Variants in SGCZ observed in about 807,000 individuals in gnomAD.
The protein encoded by SGCZ is zeta-sarcoglycan.
In SGCZ, 40 loss-of-function variants were observed where a neutral mutation model predicts 41.3. That is an observed-to-expected ratio of 0.97 (90% CI 0.75 to 1.26). SGCZ has a LOEUF of 1.26. Among genes scored for constraint, SGCZ ranks in the 50% most tolerant of loss-of-function variants. The pLI, the probability that SGCZ is intolerant of heterozygous loss-of-function variation, is 0.00. For missense variants in SGCZ, 552 were observed against 369.8 expected (o/e 1.49, Z -4.04); for synonymous variants, 206 against 137.5 (o/e 1.50, Z -3.49).
intron 2 of SGCZ, among the ~76,000 whole-genome samples, chr8:14,385,313 T>C (rs1313131656): frequency 1.3e-5 from 2 of 152,150 alleles, no homozygotes; most frequent in Non-Finnish European, 2.9e-5. Context: ...GTAAGTTAAC[T>C]AAGAAGCCCC....
intron 1 of SGCZ, among the ~76,000 whole-genome samples, chr8:15,105,493 A>G (rs1378511640): frequency 6.6e-6 from 1 of 152,118 alleles, no homozygotes; most frequent in Non-Finnish European, 1.5e-5. Flanking sequence ...ATGGTGGAGC[A>G]GGAGAGAGAG....
chr8:14,310,947 G>A (rs751805564), intron 3 of SGCZ, among the ~76,000 whole-genome samples: 15 of 152,034 alleles, frequency 9.9e-5, no homozygotes, highest in East Asian at 9.6e-4. Context: ...TGTGTACCCC[G>A]TGGAAAATCT....
chr8:14,850,346 A>C (rs556870574), intron 1 of SGCZ, among the ~76,000 whole-genome samples: 2 of 152,268 alleles, frequency 1.3e-5, no homozygotes, highest in African/African-American at 4.8e-5. Flanking sequence ...TAAAGGAGAG[A>C]AGGAGGTAAA....
intron 1 of SGCZ, among the ~76,000 whole-genome samples, chr8:14,978,941 G>A (rs1254431090): frequency 6.6e-6 from 1 of 152,102 alleles, no homozygotes; most frequent in Non-Finnish European, 1.5e-5. Flanking sequence ...TGGGACTACA[G>A]GCATGTGCCA....
chr8:14,535,923 C>G (rs1379143211), intron 2 of SGCZ, among the ~76,000 whole-genome samples: 3 of 151,702 alleles, frequency 2.0e-5, no homozygotes, highest in Admixed American at 2.0e-4. Flanking sequence ...CATGGGAACT[C>G]TATACTATTT....
intron 2 of SGCZ, among the ~76,000 whole-genome samples, chr8:14,496,828 A>G (rs910454036): frequency 9.2e-5 from 14 of 152,214 alleles, no homozygotes; most frequent in African/African-American, 3.4e-4. Context: ...CTGTGTGTGT[A>G]TAAACAAGAG....
intron 4 of SGCZ, among the ~76,000 whole-genome samples, chr8:14,180,699 G>A (rs758553118): frequency 6.6e-6 from 1 of 151,878 alleles, no homozygotes; most frequent in Non-Finnish European, 1.5e-5. Context: ...TCCCTATGAA[G>A]GTTTGTCATG....
chr8:14,770,841 C>T (rs991421393), intron 1 of SGCZ, among the ~76,000 whole-genome samples: 1 of 151,914 alleles, frequency 6.6e-6, no homozygotes, highest in Non-Finnish European at 1.5e-5. Context: ...TAAGTACATG[C>T]CTGATGTATC....
chr8:15,188,865 A>G (rs1057315930), intron 1 of SGCZ, among the ~76,000 whole-genome samples: 1 of 152,166 alleles, frequency 6.6e-6, no homozygotes, highest in Non-Finnish European at 1.5e-5. Context: ...GAGGAAGGGA[A>G]TCTGGAAAAG....
intron 3 of SGCZ, among the ~76,000 whole-genome samples, chr8:14,269,242 C>T (rs979231037): frequency 6.6e-6 from 1 of 152,062 alleles, no homozygotes; most frequent in Non-Finnish European, 1.5e-5. Flanking sequence ...ACTTTAATGG[C>T]TCAAATTTAT....
intron 1 of SGCZ, among the ~76,000 whole-genome samples, chr8:15,026,669 T>TTC (rs1407568725): frequency 2.0e-5 from 3 of 152,166 alleles, no homozygotes; most frequent in African/African-American, 7.2e-5. Context: ...GTCCAAGCCA[T>TTC]TCTCTAATAA....
Position 14,090,101 on chromosome 8 carries a change from G to T in SGCZ, c.*342C>A. On this transcript the variant is annotated 3_prime_UTR_variant, in exon 8 of 8. Coordinates refer to ENST00000382080, the MANE Select transcript of SGCZ (RefSeq NM_139167.4). ...ATACTGGGAATTTCATTTATGTAAT[G>T]TATATATGTGCAGTTCATATCCAGG... 5.8e-6 allele frequency: 1 copy of T among 173,038 alleles called. No homozygotes were observed. Among genetic ancestry groups the T allele is most frequent in the Non-Finnish European group, 1.2e-5 (1 of 81,892 alleles). 10.7% of individuals were successfully genotyped at this position (173,038 alleles called of 1,614,324 possible).
chr8:14,708,600 A>G (rs1809406574), intron 1 of SGCZ, among the ~76,000 whole-genome samples: 1 of 152,154 alleles, frequency 6.6e-6, no homozygotes, highest in Admixed American at 6.6e-5. Context: ...AAGGGCTCTC[A>G]GGAATCAAAC....
chr8:14,588,138 T>C (rs1209022904), intron 1 of SGCZ, among the ~76,000 whole-genome samples: 2 of 151,942 alleles, frequency 1.3e-5, no homozygotes, highest in Non-Finnish European at 2.9e-5. Flanking sequence ...TTTGTGTCTA[T>C]GTTATTAGAC....
chr8:14,533,870 G>T (rs186739375), intron 2 of SGCZ, among the ~76,000 whole-genome samples: 1,699 of 152,122 alleles, frequency 0.011, 16 homozygotes, highest in Middle Eastern at 0.024. Flanking sequence ...CAGTTTTCAT[G>T]CTGTCATGGT....
intron 1 of SGCZ, among the ~76,000 whole-genome samples, chr8:15,102,062 A>C (rs1806637018): frequency 6.6e-6 from 1 of 152,196 alleles, no homozygotes; most frequent in East Asian, 1.9e-4. Context: ...TCCTATATAT[A>C]TGCCAAAATT....
At chr8:14,511,930 G>T (rs1259250738) in intron 2 of SGCZ, among the ~76,000 whole-genome samples, 1 of 152,036 alleles carries the variant, frequency 6.6e-6, no homozygotes, top group Non-Finnish European at 1.5e-5. Context: ...AATTTGAAAG[G>T]TTTATAGATT....
intron 2 of SGCZ, among the ~76,000 whole-genome samples, chr8:14,506,890 T>C (rs988262546): frequency 2.6e-5 from 4 of 152,184 alleles, no homozygotes; most frequent in African/African-American, 9.6e-5. Flanking sequence ...AGGCTCCTCC[T>C]CATCCCCTTG....
At position 14,743,109 on chromosome 8, in the gene SGCZ, C is replaced by T. The variant is rs542486076; in HGVS notation, c.40-188183G>A. ...AAAAAGTATGCACAATCAGCACATT[C>T]TTTAAGAATAAATTTTTCTAAATAA... On this transcript the variant is annotated intron_variant, in intron 1 of 7. Coordinates refer to ENST00000382080, the MANE Select transcript of SGCZ (RefSeq NM_139167.4). 2.4e-3 allele frequency among the ~76,000 whole-genome samples: 371 copies of T among 152,160 alleles called. 1 individual carries two copies. The highest frequency in any genetic ancestry group is 0.02 in the Middle Eastern group (6 of 294).
Sources: allele counts gnomAD v4.1 joint callset (sites outside exome capture counted in the v4.1 genomes callset), GRCh38; gene constraint gnomAD v4.1.1; transcripts MANE v1.5; gene names NCBI Gene and HGNC (gene_info 2026-07-23, HGNC 2026-07-21).